KCNAB1: variants seen among roughly 807,000 people sequenced by gnomAD.
KCNAB1 encodes the protein voltage-gated potassium channel subunit beta-1.
Under a neutral mutation model 64.6 loss-of-function variants are expected in KCNAB1, and 35 were observed. The observed-to-expected ratio is 0.54, with a 90% CI of 0.41 to 0.72. The LOEUF (loss-of-function observed/expected upper bound fraction) is 0.72, where lower values mean the gene tolerates loss of function less well. KCNAB1 is among the 30% of genes least tolerant of loss of function. KCNAB1 has a pLI of 0.00. For missense variants in KCNAB1, 401 were observed against 512.9 expected, an observed-to-expected ratio of 0.78 and a Z score of 2.11; for synonymous variants, 177 against 183.8, an observed-to-expected ratio of 0.96 and a Z score of 0.30.
intron 1 of KCNAB1, among the ~76,000 whole-genome samples, chr3:156,296,201 T>C (rs1720765669): frequency 6.6e-6 from 1 of 152,240 alleles, no homozygotes; most frequent in Admixed American, 6.5e-5. Context: ...GAGCAAATCA[T>C]TCAGGACAGA....
At chr3:156,228,641 G>T (rs918438368) in intron 1 of KCNAB1, among the ~76,000 whole-genome samples, 1 of 152,192 alleles carries the variant, frequency 6.6e-6, no homozygotes, top group South Asian at 2.1e-4. Context: ...CCACTGAAAG[G>T]CTCCAAAGGT....
intron 1 of KCNAB1, among the ~76,000 whole-genome samples, chr3:156,284,766 A>G (rs1440975070): frequency 2.0e-5 from 3 of 152,214 alleles, no homozygotes; most frequent in Non-Finnish European, 4.4e-5. Context: ...TGACTCAGAA[A>G]GGGAACTCCC....
chr3:156,122,779 C>G lies in KCNAB1; in HGVS notation c.275+1893C>G, dbSNP rs189086822. ...CAGCATGATTATTTCCAGGAAGAAA[C>G]GAGTATGTGTAGTTGGAACTAACTC... is the stretch of plus-strand genomic sequence containing the variant. On this transcript the variant is annotated intron_variant, in intron 1 of 13. Coordinates refer to ENST00000490337, the MANE Select transcript of KCNAB1 (RefSeq NM_172160.3). Among the ~76,000 whole-genome samples the G allele has an allele frequency of 1.3e-3, 202 of 152,190 alleles. 2 individuals carry two copies. Among genetic ancestry groups the G allele is most frequent in the Admixed American group, 0.011 (172 of 15,294 alleles).
chr3:156,161,024 CAGAG>C (rs1198368930), intron 1 of KCNAB1, among the ~76,000 whole-genome samples: 2 of 152,340 alleles, frequency 1.3e-5, no homozygotes, highest in South Asian at 2.1e-4. Flanking sequence ...AAGGAAATCT[CAGAG>C]AGAGCCCTTG....
At chr3:156,456,376 A>G (rs1712432621) in intron 3 of KCNAB1, among the ~76,000 whole-genome samples, 2 of 152,254 alleles carry the variant, frequency 1.3e-5, no homozygotes, top group Admixed American at 1.3e-4. Flanking sequence ...ATAATTTTTA[A>G]AACATAGGAC....
At chr3:156,148,908 TTTTC>T (rs1715220904) in intron 1 of KCNAB1, among the ~76,000 whole-genome samples, 2 of 152,192 alleles carry the variant, frequency 1.3e-5, no homozygotes, top group African/African-American at 2.4e-5. Context: ...AAGTGTTTGT[TTTTC>T]TTTCTTTTTA....
intron 8 of KCNAB1, among the ~76,000 whole-genome samples, chr3:156,506,834 C>CT (rs1264277234): frequency 6.6e-6 from 1 of 152,062 alleles, no homozygotes; most frequent in Non-Finnish European, 1.5e-5. Context: ...GACACCAGCC[C>CT]TTTTTTTGCC....
intron 7 of KCNAB1, 59 bp downstream of exon 7, chr3:156,465,745 T>C (rs534430128): frequency 7.3e-7 from 1 of 1,375,738 alleles, no homozygotes; most frequent in Non-Finnish European, 1.0e-6. Context: ...AAGAAAGGTA[T>C]CAACCAAACA....
chr3:156,335,506 C>T (rs560475008), intron 1 of KCNAB1, among the ~76,000 whole-genome samples: 5 of 152,320 alleles, frequency 3.3e-5, no homozygotes, highest in Admixed American at 2.0e-4. Flanking sequence ...AGGACTATAG[C>T]TCTATTTACT....
chr3:156,408,782 T>TAA (rs1348308004), intron 1 of KCNAB1, among the ~76,000 whole-genome samples: 1 of 141,014 alleles, frequency 7.1e-6, no homozygotes, highest in African/African-American at 2.6e-5. Context: ...TCCATCTCCA[T>TAA]AAAAAAAAAA....
intron 1 of KCNAB1, among the ~76,000 whole-genome samples, chr3:156,340,526 T>C (rs557920693): frequency 2.6e-5 from 4 of 152,256 alleles, no homozygotes; most frequent in African/African-American, 9.6e-5. Context: ...CACTTCCCTT[T>C]GGACTACGTG....
intron 13 of KCNAB1, among the ~76,000 whole-genome samples, chr3:156,534,266 G>T (rs147039185): frequency 1.6e-4 from 25 of 152,304 alleles, no homozygotes; most frequent in Admixed American, 9.8e-4. Context: ...AGGCTGGGAA[G>T]GCAGCTGCTT....
intron 1 of KCNAB1, among the ~76,000 whole-genome samples, chr3:156,413,411 T>A (rs924070300): frequency 3.3e-5 from 5 of 152,176 alleles, no homozygotes; most frequent in African/African-American, 1.2e-4. Flanking sequence ...TCAATCTGTG[T>A]TTGTCTAATA....
intron 8 of KCNAB1, among the ~76,000 whole-genome samples, chr3:156,502,077 A>G (rs1190748969): frequency 6.6e-6 from 1 of 152,170 alleles, no homozygotes; most frequent in African/African-American, 2.4e-5. Flanking sequence ...TCAAGTGGAG[A>G]TTTGGGTGGG....
intron 2 of KCNAB1, among the ~76,000 whole-genome samples, chr3:156,437,514 T>A (rs539364195): frequency 7.9e-5 from 12 of 152,144 alleles, no homozygotes; most frequent in Non-Finnish European, 1.6e-4. Context: ...TGGGAGAAAT[T>A]CCACTCTGAC....
intron 1 of KCNAB1, among the ~76,000 whole-genome samples, chr3:156,372,896 C>T (rs1726411447): frequency 6.6e-6 from 1 of 152,176 alleles, no homozygotes; most frequent in Non-Finnish European, 1.5e-5. Flanking sequence ...ACACTTAGGG[C>T]TACAGCCTCT....
intron 1 of KCNAB1, among the ~76,000 whole-genome samples, chr3:156,231,424 C>CA: frequency 6.6e-6 from 1 of 152,110 alleles, no homozygotes; most frequent in East Asian, 1.9e-4. Flanking sequence ...AATTGCCCTA[C>CA]AAAATCTCTT....
intron 1 of KCNAB1, among the ~76,000 whole-genome samples, chr3:156,130,222 C>A (rs1296652561): frequency 6.6e-6 from 1 of 152,168 alleles, no homozygotes. Flanking sequence ...ATTTTTATTA[C>A]CTTCTGCACT....
At chr3:156,458,664 A>G (rs1318369662) in intron 4 of KCNAB1, among the ~76,000 whole-genome samples, 3 of 152,134 alleles carry the variant, frequency 2.0e-5, no homozygotes, top group Non-Finnish European at 4.4e-5. Context: ...TAAAGGTTAT[A>G]TGGTCTTGCT....
Sources: gnomAD v4.1 joint callset for allele counts (sites outside exome capture counted in the v4.1 genomes callset) on GRCh38, gnomAD v4.1.1 for gene constraint, MANE v1.5 for transcripts, NCBI Gene and HGNC (gene_info 2026-07-23, HGNC 2026-07-21) for gene names.